Variants in SHLD1 observed in about 807,000 individuals in gnomAD.
SHLD1 encodes the protein RINN1-REV7-interacting novel NHEJ regulator 3.
SHLD1 carries 3 observed loss-of-function variants against 5.5 expected under a neutral mutation model. The observed-to-expected ratio is 0.54, with a 90% CI of 0.25 to 1.40. The LOEUF (loss-of-function observed/expected upper bound fraction) is 1.40. Among genes scored for constraint, SHLD1 ranks in the 40% most tolerant of loss-of-function variants. The probability of loss-of-function intolerance (pLI) is 0.15; values close to 1 mark genes in which losing one functional copy is unlikely to be tolerated. For synonymous variants in SHLD1, 92 were observed against 94.3 expected, an observed-to-expected ratio of 0.98 and a Z score of 0.14; for missense variants, 210 against 244.4, an observed-to-expected ratio of 0.86 and a Z score of 0.94.
intron 1 of SHLD1, among the ~76,000 whole-genome samples, chr20:5,760,038 A>G (rs1383568131): frequency 6.6e-6 from 1 of 152,130 alleles, no homozygotes; most frequent in Admixed American, 6.6e-5. Flanking sequence ...ATTTGACAGT[A>G]TATTGCAGAC....
intron 2 of SHLD1, among the ~76,000 whole-genome samples, chr20:5,809,211 A>G (rs2087424526): frequency 6.6e-6 from 1 of 152,142 alleles, no homozygotes; most frequent in Non-Finnish European, 1.5e-5. Context: ...AAATAGTGGA[A>G]AGGATCTTAA....
chr20:5,863,167 C>T lies in SHLD1; in HGVS notation c.322C>T (p.His108Tyr). 3 of 1,614,138 alleles carry T rather than the reference C, an allele frequency of 1.9e-6. No individual in the cohort carries two copies. The highest frequency in any genetic ancestry group is 2.5e-6 in the Non-Finnish European group (3 of 1,180,028). ...SLDRFYEMFG[H>Y]PQPGSANSLS... ...GGATAGATTCTATGAAATGTTTGGT[C>T]ATCCACAGCCAGGCTCTGCAAACTC... The change falls in exon 3 of 3, where the codon CAT becomes TAT. Residue 108 changes from histidine to tyrosine, a missense_variant. Transcript: ENST00000303142.
chr20:5,831,548 T>C (rs1191359480), intron 2 of SHLD1, among the ~76,000 whole-genome samples: 1 of 152,138 alleles, frequency 6.6e-6, no homozygotes, highest in South Asian at 2.1e-4. Context: ...TCTGGAACCA[T>C]GTGGTGACTG....
intron 1 of SHLD1, among the ~76,000 whole-genome samples, chr20:5,767,329 C>A (rs1404445618): frequency 6.6e-6 from 1 of 151,984 alleles, no homozygotes; most frequent in Non-Finnish European, 1.5e-5. Context: ...TTAATAGATA[C>A]AAGGTCTTGC....
chr20:5,807,364 T>C (rs1043531241), intron 2 of SHLD1, among the ~76,000 whole-genome samples: 3 of 151,968 alleles, frequency 2.0e-5, no homozygotes, highest in South Asian at 2.1e-4. Flanking sequence ...CTTTTCTTTC[T>C]CTCTCTTTCT....
chr20:5,774,570 C>T (rs907596306), intron 2 of SHLD1, among the ~76,000 whole-genome samples: 53 of 152,254 alleles, frequency 3.5e-4, no homozygotes, highest in African/African-American at 1.2e-3. Context: ...ATAGAAGCAC[C>T]TGCTAGGCAT....
At chr20:5,818,437 C>G (rs1044822463) in intron 2 of SHLD1, among the ~76,000 whole-genome samples, 1 of 152,170 alleles carries the variant, frequency 6.6e-6, no homozygotes, top group South Asian at 2.1e-4. Context: ...TTAACTCTGC[C>G]ATTGCCAGAG....
At chr20:5,771,403 T>C (rs1417445337) in intron 1 of SHLD1, among the ~76,000 whole-genome samples, 1 of 152,224 alleles carries the variant, frequency 6.6e-6, no homozygotes, top group South Asian at 2.1e-4. Flanking sequence ...AGCCCAAACC[T>C]ATTCTTGAAT....
intron 2 of SHLD1, among the ~76,000 whole-genome samples, chr20:5,814,108 A>G (rs2087496970): frequency 1.3e-5 from 2 of 151,612 alleles, no homozygotes; most frequent in Admixed American, 6.6e-5. Flanking sequence ...GTGTGCCACC[A>G]TGCCCGGCTA....
At chr20:5,777,138 A>G (rs1457444050) in intron 2 of SHLD1, among the ~76,000 whole-genome samples, 2 of 151,996 alleles carry the variant, frequency 1.3e-5, no homozygotes, top group African/African-American at 2.4e-5. Context: ...ACAGGCGTGC[A>G]CCACCATGCC....
chr20:5,826,124 T>C (rs2062029560), intron 2 of SHLD1, among the ~76,000 whole-genome samples: 1 of 152,244 alleles, frequency 6.6e-6, no homozygotes, highest in South Asian at 2.1e-4. Context: ...CAGGTTATTT[T>C]TCTGTGCTGT....
chr20:5,861,881 C>T (rs1409769430), intron 2 of SHLD1, among the ~76,000 whole-genome samples: 2 of 152,176 alleles, frequency 1.3e-5, no homozygotes, highest in East Asian at 3.9e-4. Context: ...TTTATAAAAG[C>T]TTATATCAGG....
At chr20:5,862,824 A>G (rs952004480) in intron 2 of SHLD1, among the ~76,000 whole-genome samples, 200 bp from the exon 3 acceptor site, 1 of 152,216 alleles carries the variant, frequency 6.6e-6, no homozygotes, top group African/African-American at 2.4e-5. Flanking sequence ...CACACAAGTA[A>G]TATGTTCTCG....
intron 2 of SHLD1, among the ~76,000 whole-genome samples, chr20:5,782,007 C>A (rs144554319): frequency 6.6e-6 from 1 of 152,282 alleles, no homozygotes; most frequent in Middle Eastern, 3.4e-3. Context: ...CCAGTCCTGT[C>A]GGGCTTGCTT....
chr20:5,842,783 G>T (rs1245566330), intron 2 of SHLD1, among the ~76,000 whole-genome samples: 1 of 151,706 alleles, frequency 6.6e-6, no homozygotes, highest in Non-Finnish European at 1.5e-5. Flanking sequence ...TTACCTATTT[G>T]CTGAGGTATA....
chr20:5,764,166 A>ATATATTT (rs1340924125), intron 1 of SHLD1, among the ~76,000 whole-genome samples: 19 of 95,060 alleles, frequency 2.0e-4, no homozygotes, highest in East Asian at 3.0e-4. Flanking sequence ...ATTTATATAT[A>ATATATTT]TATATATATT....
chr20:5,837,359 T>G (rs538149401), intron 2 of SHLD1, among the ~76,000 whole-genome samples: 1 of 152,162 alleles, frequency 6.6e-6, no homozygotes, highest in Non-Finnish European at 1.5e-5. Context: ...GTTTGTTACA[T>G]AGGTAAATGT....
intron 2 of SHLD1, among the ~76,000 whole-genome samples, chr20:5,844,939 T>C (rs1281378155): frequency 6.6e-6 from 1 of 151,268 alleles, no homozygotes; most frequent in East Asian, 1.9e-4. Context: ...GGACTACAGG[T>C]GCACGCCACC....
intron 2 of SHLD1, among the ~76,000 whole-genome samples, chr20:5,860,575 G>A (rs2088147883): frequency 6.6e-6 from 1 of 152,094 alleles, no homozygotes; most frequent in Non-Finnish European, 1.5e-5. Flanking sequence ...ACAATGAAAA[G>A]ATGAAGTTTA....
Sources: allele counts gnomAD v4.1 joint callset (sites outside exome capture counted in the v4.1 genomes callset), GRCh38; gene constraint gnomAD v4.1.1; transcripts MANE v1.5; gene names NCBI Gene and HGNC (gene_info 2026-07-23, HGNC 2026-07-21).